The following WDFY4 variants were observed in gnomAD, a reference collection of about 807,000 sequenced individuals.
WDFY4 encodes WDFY family member 4.
In WDFY4, 169 loss-of-function variants were observed where a neutral mutation model predicts 351.9. The ratio of observed to expected loss-of-function variants is 0.48; its 90% CI spans 0.42 to 0.55. The LOEUF is 0.55. WDFY4 is among the 20% of genes least tolerant of loss of function. WDFY4 has a pLI of 0.00. For synonymous variants in WDFY4, 1,622 were observed against 1,574.6 expected (o/e 1.03, Z -0.71); for missense variants, 3,803 against 3,935.6 (o/e 0.97, Z 0.90).
At chr10:48,816,169 T>C (rs2067614963) in intron 31 of WDFY4, among the ~76,000 whole-genome samples, 1 of 152,216 alleles carries the variant, frequency 6.6e-6, no homozygotes, top group Admixed American at 6.5e-5. Flanking sequence ...TTAACTCATG[T>C]CATTTTCTGT....
chr10:48,975,046 G>A lies in WDFY4; in HGVS notation c.9108+5G>A. 6.4e-7 allele frequency: 1 copy of A among 1,551,726 alleles called. No homozygotes were observed. ...ATCACCATCAGTGACGTCTCAGTAA[G>A]TCTCCTGTTTCTCAGTGTCCGTGTC... is the stretch of plus-strand genomic sequence containing the variant. On this transcript the variant is annotated splice_donor_5th_base_variant and intron_variant, in intron 58 of 61. Transcript: ENST00000325239.
At chr10:48,951,912 C>A (rs1447419149) in intron 51 of WDFY4, among the ~76,000 whole-genome samples, 3 of 152,176 alleles carry the variant, frequency 2.0e-5, no homozygotes, top group African/African-American at 7.2e-5. Flanking sequence ...GCTGCTGCTG[C>A]ATTTAATAAG....
chr10:48,810,801 G>C, intron 29 of WDFY4, 66 bp downstream of exon 29: 1 of 1,417,750 alleles, frequency 7.1e-7, no homozygotes, highest in South Asian at 1.5e-5. Flanking sequence ...TGAGGACCAA[G>C]CCAGGCCCCT....
At chr10:48,744,992 T>C (rs1029110585) in intron 12 of WDFY4, among the ~76,000 whole-genome samples, 1 of 152,206 alleles carries the variant, frequency 6.6e-6, no homozygotes, top group Non-Finnish European at 1.5e-5. Context: ...GAACCAACTT[T>C]GACTTTTCCT....
At chr10:48,707,061 C>G (rs2063650196) in intron 1 of WDFY4, among the ~76,000 whole-genome samples, 1 of 152,104 alleles carries the variant, frequency 6.6e-6, no homozygotes, top group Non-Finnish European at 1.5e-5. Context: ...CTAGAGTATA[C>G]TCTCATGAAG....
At chr10:48,842,310 G>A (rs115534575) in intron 39 of WDFY4, among the ~76,000 whole-genome samples, 1,615 of 151,856 alleles carry the variant, frequency 0.011, 28 homozygotes, top group African/African-American at 0.037. Flanking sequence ...AGAAAGACAG[G>A]CATCATCATT....
intron 14 of WDFY4, 77 bp from the exon 15 acceptor site, chr10:48,775,635 C>T: frequency 7.3e-7 from 1 of 1,373,400 alleles, no homozygotes; most frequent in Non-Finnish European, 1.0e-6. Flanking sequence ...GCATCTAGGA[C>T]AGTTGTCAGG....
chr10:48,925,675 T>C (rs1316304533), intron 47 of WDFY4, among the ~76,000 whole-genome samples: 2 of 152,082 alleles, frequency 1.3e-5, no homozygotes, highest in Non-Finnish European at 2.9e-5. Flanking sequence ...CTCACAGCAG[T>C]AGCTCCACCA....
intron 28 of WDFY4, among the ~76,000 whole-genome samples, chr10:48,809,330 C>A (rs112351579): frequency 5.4e-5 from 7 of 129,992 alleles, no homozygotes; most frequent in Admixed American, 1.5e-4. Flanking sequence ...CACCATCACC[C>A]TCACCACCAT....
rs76205261 is a variant in WDFY4, at chr10:48,971,220, T to C, written c.8928+931T>C. Among the ~76,000 whole-genome samples the C allele has an allele frequency of 4.9e-3, 747 of 152,244 alleles. 12 individuals carry two copies. The highest frequency in any genetic ancestry group is 0.018 in the African/African-American group (729 of 41,546). On this transcript the variant is annotated intron_variant, in intron 57 of 61. Coordinates refer to ENST00000325239, the MANE Select transcript of WDFY4 (RefSeq NM_001394531.1). ...AAGTAATAGAAACAAAAATAAGCTG[T>C]ACAAAATCACTCACGCCTGTAATAC...
At chr10:48,953,745 G>A (rs115218105) in intron 51 of WDFY4, among the ~76,000 whole-genome samples, 1,593 of 152,322 alleles carry the variant, frequency 0.01, 26 homozygotes, top group African/African-American at 0.036. Context: ...AGACTTTCTA[G>A]CATATATTAT....
chr10:48,877,544 G>A (rs1343024585), intron 43 of WDFY4, among the ~76,000 whole-genome samples: 4 of 152,184 alleles, frequency 2.6e-5, no homozygotes, highest in Non-Finnish European at 5.9e-5. Flanking sequence ...TCAGCATCTT[G>A]GCCCCCTGTT....
At chr10:48,926,120 C>T (rs1839551897) in intron 47 of WDFY4, among the ~76,000 whole-genome samples, 1 of 152,230 alleles carries the variant, frequency 6.6e-6, no homozygotes, top group Non-Finnish European at 1.5e-5. Context: ...TGGCAAATGC[C>T]TCATCCTGGG....
intron 3 of WDFY4, 62 bp downstream of exon 3, chr10:48,720,187 CCAGGCCTCT>C: frequency 6.7e-7 from 1 of 1,489,734 alleles, no homozygotes; most frequent in Non-Finnish European, 9.1e-7. Context: ...GCATGCCCTC[CCAGGCCTCT>C]CAGGCCCCCC....
intron 39 of WDFY4, among the ~76,000 whole-genome samples, chr10:48,864,438 A>G (rs985788473): frequency 3.9e-5 from 6 of 152,216 alleles, no homozygotes; most frequent in Admixed American, 2.0e-4. Context: ...CCATTGATGT[A>G]TATATCTATT....
At chr10:48,901,889 G>T in intron 47 of WDFY4, 26 bp downstream of exon 47, 3 of 1,545,914 alleles carry the variant, frequency 1.9e-6, no homozygotes, top group Non-Finnish European at 2.6e-6. Flanking sequence ...CATGCTGTCT[G>T]GGCATGGCAC....
intron 30 of WDFY4, 147 bp downstream of exon 30, chr10:48,811,855 C>T: frequency 1.2e-6 from 1 of 823,008 alleles, no homozygotes; most frequent in Non-Finnish European, 1.9e-6. Context: ...CCTAGCAGCC[C>T]ACACCCTTGG....
intron 19 of WDFY4, among the ~76,000 whole-genome samples, chr10:48,783,482 A>C (rs1258829325): frequency 7.3e-6 from 1 of 136,438 alleles, no homozygotes; most frequent in Non-Finnish European, 1.7e-5. Flanking sequence ...AATTGTATAT[A>C]TCTTATGTAT....
At chr10:48,792,177 G>A (rs905671609) in intron 23 of WDFY4, among the ~76,000 whole-genome samples, 1 of 152,094 alleles carries the variant, frequency 6.6e-6, no homozygotes, top group African/African-American at 2.4e-5. Flanking sequence ...TTGTGTGCCT[G>A]TGGCCTCCGC....
Sources: gnomAD v4.1 joint callset for allele counts (sites outside exome capture counted in the v4.1 genomes callset) on GRCh38, gnomAD v4.1.1 for gene constraint, MANE v1.5 for transcripts, NCBI Gene and HGNC (gene_info 2026-07-23, HGNC 2026-07-21) for gene names.